Variants in DMC1 observed in about 807,000 individuals in gnomAD.
The protein encoded by DMC1 is DNA meiotic recombinase 1, also known as meiotic recombination protein DMC1 homolog.
Under a neutral mutation model 50.1 loss-of-function variants are expected in DMC1, and 27 were observed. The ratio of observed to expected loss-of-function variants is 0.54; its 90% CI spans 0.40 to 0.74. The LOEUF (loss-of-function observed/expected upper bound fraction) is 0.74. Among genes scored for constraint, DMC1 ranks in the 30% least tolerant of loss-of-function variants. The probability of loss-of-function intolerance (pLI) is 0.00; values close to 1 mark genes in which losing one functional copy is unlikely to be tolerated. For missense variants in DMC1, 295 were observed against 420.2 expected (o/e 0.70, Z 2.60); for synonymous variants, 148 against 136.1 (o/e 1.09, Z -0.61).
chr22:38,544,058 C>T (rs1569161910), intron 8 of DMC1, among the ~76,000 whole-genome samples: 1 of 152,092 alleles, frequency 6.6e-6, no homozygotes, highest in Non-Finnish European at 1.5e-5. Context: ...AGTAAAATTG[C>T]CTTGCTGAGA....
intron 4 of DMC1, among the ~76,000 whole-genome samples, chr22:38,565,555 C>T (rs1386242908): frequency 6.6e-6 from 1 of 152,246 alleles, no homozygotes; most frequent in Non-Finnish European, 1.5e-5. Context: ...GCTGCTACTT[C>T]TGGGCATACT....
At chr22:38,538,098 C>T (rs543397170) in intron 11 of DMC1, among the ~76,000 whole-genome samples, 197 bp downstream of exon 11, 2 of 151,762 alleles carry the variant, frequency 1.3e-5, no homozygotes, top group African/African-American at 2.4e-5. Flanking sequence ...GAGCCGAGAT[C>T]GCACCACTGC....
At chr22:38,556,052 G>A (rs1462991056) in intron 5 of DMC1, among the ~76,000 whole-genome samples, 2 of 152,026 alleles carry the variant, frequency 1.3e-5, no homozygotes, top group East Asian at 1.9e-4. Context: ...GGTTGGTCTC[G>A]AACTCCTGAC....
chr22:38,558,628 T>C (rs916864232), intron 5 of DMC1, among the ~76,000 whole-genome samples: 2 of 151,964 alleles, frequency 1.3e-5, no homozygotes, highest in Non-Finnish European at 2.9e-5. Context: ...GGCAGGAGAA[T>C]TGCTTGAACC....
chr22:38,534,633 G>A (rs2090190402), intron 12 of DMC1, among the ~76,000 whole-genome samples: 1 of 151,838 alleles, frequency 6.6e-6, no homozygotes, highest in Admixed American at 6.6e-5. Context: ...AACCCAGGAG[G>A]CAGAGGTTGC....
At chr22:38,564,468 C>T (rs955578622) in intron 4 of DMC1, among the ~76,000 whole-genome samples, 3 of 152,128 alleles carry the variant, frequency 2.0e-5, no homozygotes, top group African/African-American at 4.8e-5. Flanking sequence ...TGCCACCATG[C>T]CTGGCTAATT....
intron 5 of DMC1, among the ~76,000 whole-genome samples, chr22:38,558,156 G>A (rs1053858986): frequency 1.3e-5 from 2 of 150,112 alleles, no homozygotes; most frequent in African/African-American, 4.9e-5. Flanking sequence ...GAGACAGGGT[G>A]ATCCTGTCTT....
At chr22:38,528,278 G>T (rs1264735828) in intron 12 of DMC1, among the ~76,000 whole-genome samples, 1 of 151,396 alleles carries the variant, frequency 6.6e-6, no homozygotes, top group East Asian at 2.0e-4. Flanking sequence ...TAGCCAGGAT[G>T]GTCTCAAACT....
intron 6 of DMC1, among the ~76,000 whole-genome samples, chr22:38,555,106 AT>A (rs888787388): frequency 2.0e-5 from 3 of 151,808 alleles, no homozygotes; most frequent in Admixed American, 6.6e-5. Context: ...AAAAAAAAAA[AT>A]CTATTATCTT....
intron 7 of DMC1, 79 bp from the exon 8 acceptor site, chr22:38,550,076 T>C: frequency 9.8e-7 from 1 of 1,020,376 alleles, no homozygotes; most frequent in South Asian, 1.4e-5. Context: ...ACATGGAATC[T>C]GCTGTTGCAA....
chr22:38,540,878 A>G (rs148083387), intron 8 of DMC1, among the ~76,000 whole-genome samples: 3,424 of 152,316 alleles, frequency 0.022, 50 homozygotes, highest in Middle Eastern at 0.051. Context: ...GCAGGCCTCC[A>G]TAACAACTGT....
downstream of DMC1, among the ~76,000 whole-genome samples, chr22:38,517,037 AAATTT>A (rs2089980896): frequency 6.6e-6 from 1 of 152,134 alleles, no homozygotes; most frequent in Non-Finnish European, 1.5e-5. Context: ...GCCCAGGCTG[AAATTT>A]CAATAGGCTC....
At chr22:38,542,337 T>A (rs1413629018) in intron 8 of DMC1, among the ~76,000 whole-genome samples, 1 of 151,908 alleles carries the variant, frequency 6.6e-6, no homozygotes, top group Non-Finnish European at 1.5e-5. Context: ...TTAGAACTGA[T>A]AAACAAATTC....
In DMC1 at chr22:38,570,111, G is replaced by C. The variant is rs1172877927; in HGVS notation, c.-102C>G. The C allele has an allele frequency of 6.6e-6, 1 of 152,086 alleles. No individual in the cohort carries two copies. Among genetic ancestry groups the C allele is most frequent in the East Asian group, 1.9e-4 (1 of 5,162 alleles). The allele number at this position is 152,086 out of a possible 1,614,324, so 9.4% of individuals were successfully genotyped here. A position where few individuals can be genotyped will look rare whatever the true frequency, so the allele number is the denominator to read the frequency against. On this transcript the variant is annotated 5_prime_UTR_variant, in exon 1 of 14. Transcript: ENST00000216024. ...CCCTCTGCCCCGCCCGACCTCCTCA[G>C]CTGACAGGATTCTAACTCGGGCCTA...
At chr22:38,548,497 C>T (rs1009453889) in intron 8 of DMC1, among the ~76,000 whole-genome samples, 11 of 151,898 alleles carry the variant, frequency 7.2e-5, no homozygotes, top group Non-Finnish European at 5.9e-5. Context: ...ATCACTTGAC[C>T]CTGGGAGTTC....
chr22:38,509,321 G>A, the DMC1 span, among the ~76,000 whole-genome samples: 6 of 151,970 alleles, frequency 3.9e-5, no homozygotes, highest in Non-Finnish European at 5.9e-5. Context: ...TCCCTCCGCC[G>A]ACCCCCAACA....
At chr22:38,532,530 C>T (rs2090164317) in intron 12 of DMC1, among the ~76,000 whole-genome samples, 1 of 151,882 alleles carries the variant, frequency 6.6e-6, no homozygotes, top group South Asian at 2.1e-4. Context: ...CCATGTTGGC[C>T]AGCCTGGTCT....
chr22:38,524,415 C>T (rs1295971171), intron 12 of DMC1, among the ~76,000 whole-genome samples: 2 of 151,258 alleles, frequency 1.3e-5, no homozygotes, highest in Non-Finnish European at 2.9e-5. Context: ...GATTCCGTCT[C>T]AAAAAAATAA....
At chr22:38,535,965 A>G (rs1262558367) in intron 12 of DMC1, among the ~76,000 whole-genome samples, 1 of 151,658 alleles carries the variant, frequency 6.6e-6, no homozygotes, top group Non-Finnish European at 1.5e-5. Context: ...TCACACATGT[A>G]ATCCTAGCAC....
Sources: allele counts gnomAD v4.1 joint callset (sites outside exome capture counted in the v4.1 genomes callset), GRCh38; gene constraint gnomAD v4.1.1; transcripts MANE v1.5; gene names NCBI Gene and HGNC (gene_info 2026-07-23, HGNC 2026-07-21).